The following FSHR variants were observed in gnomAD, a reference collection of about 807,000 sequenced individuals.
The protein encoded by FSHR is follicle-stimulating hormone receptor.
In FSHR, 46 loss-of-function variants were observed where a neutral mutation model predicts 52.1. That is an observed-to-expected ratio of 0.88 (90% CI 0.70 to 1.13). The LOEUF (loss-of-function observed/expected upper bound fraction) is 1.13, where lower values mean the gene tolerates loss of function less well. FSHR is among the 50% of genes most tolerant of loss of function. The pLI, the probability that FSHR is intolerant of heterozygous loss-of-function variation, is 0.00. For synonymous variants in FSHR, 399 were observed against 309.6 expected (o/e 1.29, Z -3.03); for missense variants, 964 against 834.6 (o/e 1.16, Z -1.91).
chr2:49,032,245 A>G (rs920692709), intron 2 of FSHR, among the ~76,000 whole-genome samples: 1 of 152,116 alleles, frequency 6.6e-6, no homozygotes, highest in Non-Finnish European at 1.5e-5. Flanking sequence ...TTTTGCCTTT[A>G]TCAGGGTATT....
intron 1 of FSHR, among the ~76,000 whole-genome samples, chr2:49,079,215 A>C (rs1378587109): frequency 6.6e-6 from 1 of 152,200 alleles, no homozygotes; most frequent in Non-Finnish European, 1.5e-5. Context: ...TCAAATACTT[A>C]ATTGAAAAAA....
chr2:49,085,192 T>C (rs954557308), intron 1 of FSHR, among the ~76,000 whole-genome samples: 6 of 152,202 alleles, frequency 3.9e-5, no homozygotes, highest in African/African-American at 9.7e-5. Flanking sequence ...TGGTTCAATA[T>C]ATGCAAATCA....
chr2:49,045,631 G>A (rs17038141), intron 2 of FSHR, among the ~76,000 whole-genome samples: 20,538 of 152,136 alleles, frequency 0.13, 1,416 homozygotes, highest in East Asian at 0.21. Flanking sequence ...ATGTTTTGCC[G>A]GGACAGCTTG....
chr2:49,124,942 T>A (rs1366736033), intron 1 of FSHR, among the ~76,000 whole-genome samples: 1 of 152,226 alleles, frequency 6.6e-6, no homozygotes, highest in Non-Finnish European at 1.5e-5. Context: ...TATCTTACAC[T>A]AATCCCTGTC....
At chr2:49,055,189 A>G (rs1407912858) in intron 2 of FSHR, among the ~76,000 whole-genome samples, 1 of 152,030 alleles carries the variant, frequency 6.6e-6, no homozygotes, top group Admixed American at 6.6e-5. Context: ...GATATCACAA[A>G]AAAAGAGCCA....
At chr2:49,106,044 C>A (rs1671209141) in intron 1 of FSHR, among the ~76,000 whole-genome samples, 1 of 152,138 alleles carries the variant, frequency 6.6e-6, no homozygotes, top group South Asian at 2.1e-4. Context: ...GCCTTCTGAG[C>A]AGCTTATTAG....
At chr2:49,073,574 T>C (rs1669833980) in intron 1 of FSHR, among the ~76,000 whole-genome samples, 2 of 152,166 alleles carry the variant, frequency 1.3e-5, no homozygotes, top group South Asian at 4.1e-4. Context: ...AGACATCCCA[T>C]GTTCATGGAT....
At chr2:49,034,337 G>A (rs1668206040) in intron 2 of FSHR, among the ~76,000 whole-genome samples, 3 of 152,142 alleles carry the variant, frequency 2.0e-5, no homozygotes, top group Admixed American at 2.0e-4. Context: ...AGGTCCCAAG[G>A]AGTTAAGAAA....
At chr2:49,076,469 G>A (rs1437930235) in intron 1 of FSHR, among the ~76,000 whole-genome samples, 4 of 152,150 alleles carry the variant, frequency 2.6e-5, no homozygotes, top group Non-Finnish European at 4.4e-5. Context: ...CTCCCACTGG[G>A]TCCTTCCCAT....
intron 2 of FSHR, among the ~76,000 whole-genome samples, chr2:49,055,748 A>T (rs1340265061): frequency 6.6e-6 from 1 of 151,972 alleles, no homozygotes; most frequent in African/African-American, 2.4e-5. Flanking sequence ...GGAGAATAGG[A>T]TGATATATTC....
intron 1 of FSHR, among the ~76,000 whole-genome samples, chr2:49,095,089 G>C (rs946564642): frequency 6.6e-6 from 1 of 151,860 alleles, no homozygotes; most frequent in Non-Finnish European, 1.5e-5. Context: ...CTATCAAAAC[G>C]CTAGCTGCTT....
chr2:49,134,134 C>G (rs543686081), intron 1 of FSHR, among the ~76,000 whole-genome samples: 1 of 152,220 alleles, frequency 6.6e-6, no homozygotes, highest in African/African-American at 2.4e-5. Flanking sequence ...AACAGGCAAC[C>G]TACAGAATGG....
intron 5 of FSHR, among the ~76,000 whole-genome samples, chr2:48,989,682 T>C (rs757249215): frequency 5.9e-5 from 9 of 152,226 alleles, no homozygotes; most frequent in Non-Finnish European, 8.8e-5. Context: ...TTCATCTTAG[T>C]TGGGCCTTCT....
chr2:49,047,012 C>G (rs1343198890), intron 2 of FSHR, among the ~76,000 whole-genome samples: 4 of 152,170 alleles, frequency 2.6e-5, no homozygotes, highest in Non-Finnish European at 4.4e-5. Flanking sequence ...CTGCACTTGT[C>G]TCAAGTATTT....
chr2:49,093,101 A>C (rs954200547), intron 1 of FSHR, among the ~76,000 whole-genome samples: 1 of 152,248 alleles, frequency 6.6e-6, no homozygotes, highest in African/African-American at 2.4e-5. Flanking sequence ...ATCCATATTC[A>C]TGAAGGAATA....
chr2:49,154,487 C>G lies in FSHR; in HGVS notation c.-70G>C, dbSNP rs1284179476. 1.3e-6 allele frequency: 2 copies of G among 1,505,888 alleles called. No individual in the cohort carries two copies. The highest frequency in any genetic ancestry group is 2.8e-5 in the African/African-American group (2 of 72,598). The allele number at this position is 1,505,888 out of a possible 1,614,324, so 93.3% of individuals were successfully genotyped here. The stretch of plus-strand genomic sequence containing the variant: ...AAAACCTCCACAGATCTCAGAAGCT[C>G]CACACAGTGCCCTTATGAGAAGAGA... On this transcript the variant is annotated 5_prime_UTR_variant, in exon 1 of 10. Transcript: ENST00000406846.
intron 8 of FSHR, among the ~76,000 whole-genome samples, chr2:48,982,065 T>C (rs1675273940): frequency 6.6e-6 from 1 of 152,164 alleles, no homozygotes; most frequent in African/African-American, 2.4e-5. Context: ...GTGTAGTAGG[T>C]CTTGCTTAGA....
chr2:48,983,563 G>C (rs941307743), intron 6 of FSHR, among the ~76,000 whole-genome samples: 1 of 152,174 alleles, frequency 6.6e-6, no homozygotes, highest in Non-Finnish European at 1.5e-5. Context: ...GTGTTTATAA[G>C]ACAGAGAAAG....
At chr2:49,060,146 G>C (rs1486591997) in intron 2 of FSHR, among the ~76,000 whole-genome samples, 1 of 152,070 alleles carries the variant, frequency 6.6e-6, no homozygotes, top group African/African-American at 2.4e-5. Flanking sequence ...AAACCATAAT[G>C]AGGTATCATC....
Sources: allele counts gnomAD v4.1 joint callset (sites outside exome capture counted in the v4.1 genomes callset), GRCh38; gene constraint gnomAD v4.1.1; transcripts MANE v1.5; gene names NCBI Gene and HGNC (gene_info 2026-07-23, HGNC 2026-07-21).